DDR2: variants seen among roughly 807,000 people sequenced by gnomAD.
The protein encoded by DDR2 is discoidin domain receptor tyrosine kinase 2.
DDR2 carries 27 observed loss-of-function variants against 94.9 expected under a neutral mutation model. That is an observed-to-expected ratio of 0.28 (90% CI 0.21 to 0.39). DDR2 has a LOEUF of 0.39. Among genes scored for constraint, DDR2 ranks in the 10% least tolerant of loss-of-function variants. DDR2 has a pLI of 1.00. For synonymous variants in DDR2, 382 were observed against 377.2 expected, an observed-to-expected ratio of 1.01 and a Z score of -0.15; for missense variants, 783 against 1,076.0, an observed-to-expected ratio of 0.73 and a Z score of 3.81.
chr1:162,652,571 C>T (rs558843099), intron 1 of DDR2, among the ~76,000 whole-genome samples: 10 of 152,280 alleles, frequency 6.6e-5, no homozygotes, highest in Non-Finnish European at 1.3e-4. Context: ...CCAGCACATA[C>T]GATCAGCCCC....
chr1:162,716,857 C>A (rs1661189762), intron 2 of DDR2, among the ~76,000 whole-genome samples: 3 of 152,100 alleles, frequency 2.0e-5, no homozygotes, highest in Admixed American at 2.0e-4. Context: ...AAAGTCTTGT[C>A]CATCCTTCAA....
At chr1:162,748,797 C>G (rs1042162905) in intron 3 of DDR2, among the ~76,000 whole-genome samples, 4 of 152,192 alleles carry the variant, frequency 2.6e-5, no homozygotes, top group African/African-American at 9.7e-5. Flanking sequence ...GAAACTATAA[C>G]AAACTCTGTC....
In DDR2 at chr1:162,759,840, T is replaced by G. The variant is rs578015216; in HGVS notation, c.716T>G (p.Leu239Arg). ...CAATTGACCGATGGTGTGTCTGGCC[T>G]GGACGATTTCACCCAGACCCATGAA... ...LGQLTDGVSG[L>R]DDFTQTHEYH... Residue 239 changes from leucine to arginine, a missense_variant, in exon 8 of 18, where the codon CTG (leucine) becomes CGG (arginine). By Grantham distance (102) the Leu-to-Arg change is moderately radical (BLOSUM62 -2). Around this residue, in one of 2 missense-constraint regions of DDR2, gnomAD observed 519 missense variants for 647.9 expected, o/e 0.80. Transcript: ENST00000367921. 6.2e-7 allele frequency: 1 copy of G among 1,614,154 alleles called. No individual in the cohort carries two copies. The highest frequency in any genetic ancestry group is 1.7e-4 in the Middle Eastern group (1 of 6,060).
rs73018596 is a variant in DDR2 at position 162,668,804 on chromosome 1, T to C, written c.-28+13430T>C. On this transcript the variant is annotated intron_variant, in intron 2 of 17. Transcript: ENST00000367921. ...TACCTATGAATATAACCTTAACTCT[T>C]TGGTTCCTTATTTGGAAATAGGGTC... 8.3e-3 allele frequency among the ~76,000 whole-genome samples: 1,262 copies of C among 152,270 alleles called. 26 individuals are homozygous for C. Among genetic ancestry groups the C allele is most frequent in the African/African-American group, 0.028 (1,171 of 41,552 alleles).
At chr1:162,736,494 T>C (rs536135744) in intron 3 of DDR2, among the ~76,000 whole-genome samples, 1 of 152,358 alleles carries the variant, frequency 6.6e-6, no homozygotes, top group South Asian at 2.1e-4. Context: ...CCTTTGCAGT[T>C]AAAACTTACC....
intron 2 of DDR2, among the ~76,000 whole-genome samples, chr1:162,669,478 T>A (rs892772823): frequency 1.1e-4 from 17 of 152,194 alleles, no homozygotes; most frequent in Admixed American, 4.6e-4. Flanking sequence ...CACAGTCAAG[T>A]CCAAAAATTT....
At chr1:162,762,867 C>T (rs188565876) in intron 9 of DDR2, among the ~76,000 whole-genome samples, 226 of 152,254 alleles carry the variant, frequency 1.5e-3, no homozygotes, top group African/African-American at 5.1e-3. Flanking sequence ...GACAGAGTCT[C>T]GCTCTGTCAC....
chr1:162,753,263 C>A, intron 4 of DDR2, 66 bp downstream of exon 4: 1 of 1,459,186 alleles, frequency 6.9e-7, no homozygotes, highest in Non-Finnish European at 9.6e-7. Context: ...GCACAGATTC[C>A]TGACCCTAGG....
intron 2 of DDR2, among the ~76,000 whole-genome samples, chr1:162,667,329 G>A (rs1658631022): frequency 6.6e-6 from 1 of 152,164 alleles, no homozygotes; most frequent in South Asian, 2.1e-4. Flanking sequence ...TGTTACAGAT[G>A]AAGAAAAAGG....
intron 1 of DDR2, among the ~76,000 whole-genome samples, chr1:162,637,577 A>G (rs1656888630): frequency 6.6e-6 from 1 of 152,134 alleles, no homozygotes; most frequent in Admixed American, 6.5e-5. Flanking sequence ...ACAAAATAAT[A>G]AATAAATTTA....
chr1:162,728,178 C>CTCTTTATTTATATATAGATAGATATA (rs1661813081), intron 3 of DDR2, among the ~76,000 whole-genome samples: 1 of 133,604 alleles, frequency 7.5e-6, no homozygotes, highest in African/African-American at 2.8e-5. Context: ...AGATAGATAT[C>CTCTTTATTTATATATAGATAGATATA]TCTTTATATA....
chr1:162,704,512 C>G (rs1004381140), intron 2 of DDR2, among the ~76,000 whole-genome samples: 1 of 152,198 alleles, frequency 6.6e-6, no homozygotes, highest in African/African-American at 2.4e-5. Context: ...TTATAAACAA[C>G]AGAAATTTAT....
chr1:162,722,866 A>G (rs1288328249), intron 3 of DDR2, among the ~76,000 whole-genome samples: 1 of 152,156 alleles, frequency 6.6e-6, no homozygotes, highest in Non-Finnish European at 1.5e-5. Context: ...TATAGCCCAT[A>G]CTGGAAGATT....
chr1:162,720,107 T>G (rs1160995495), intron 3 of DDR2, among the ~76,000 whole-genome samples: 1 of 152,018 alleles, frequency 6.6e-6, no homozygotes, highest in East Asian at 1.9e-4. Flanking sequence ...AAAAATTAGA[T>G]GGTAAAGGTC....
chr1:162,726,841 A>G (rs771773170), intron 3 of DDR2, among the ~76,000 whole-genome samples: 4 of 152,062 alleles, frequency 2.6e-5, no homozygotes, highest in African/African-American at 9.7e-5. Context: ...CACTGGGGCC[A>G]TTAGGTCCGT....
chr1:162,661,945 G>A (rs1283179345), intron 2 of DDR2, among the ~76,000 whole-genome samples: 1 of 152,204 alleles, frequency 6.6e-6, no homozygotes, highest in Non-Finnish European at 1.5e-5. Context: ...AAAAGGGTTT[G>A]TGAAGAGTCC....
chr1:162,646,670 T>A (rs1657425032), intron 1 of DDR2, among the ~76,000 whole-genome samples: 1 of 152,248 alleles, frequency 6.6e-6, no homozygotes, highest in African/African-American at 2.4e-5. Context: ...ACCAGTGCTC[T>A]ACAATTATCC....
chr1:162,656,859 G>GTTTTTT (rs200020368), intron 2 of DDR2, among the ~76,000 whole-genome samples: 1 of 107,276 alleles, frequency 9.3e-6, no homozygotes, highest in Non-Finnish European at 1.8e-5. Flanking sequence ...TATTTTTTTT[G>GTTTTTT]TTAACAGGGT....
In DDR2 at chr1:162,673,606, TGTGAGAGA is replaced by T. The variant is rs1178183605; in HGVS notation, c.-28+18234_-28+18241del. Among the ~76,000 whole-genome samples, 358 of 101,060 alleles carry T rather than the reference TGTGAGAGA, an allele frequency of 3.5e-3. 1 individual carries two copies. Among genetic ancestry groups the T allele is most frequent in the African/African-American group, 0.016 (314 of 20,132 alleles). 66.3% of individuals were successfully genotyped at this position (101,060 alleles called of 152,430 possible). A position where few individuals can be genotyped will look rare whatever the true frequency, so the allele number is the denominator to read the frequency against. On this transcript the variant is annotated intron_variant, in intron 2 of 17. Coordinates refer to ENST00000367921, the MANE Select transcript of DDR2 (RefSeq NM_006182.4). ...GTGTGTGTGTGTGTATGTGTGTGTG[TGTGAGAGA>T]GAGAGAGAGAGAGAGAGAGAGAGAG... is the stretch of plus-strand genomic sequence containing the variant.
Sources: allele counts gnomAD v4.1 joint callset (sites outside exome capture counted in the v4.1 genomes callset), GRCh38; gene constraint gnomAD v4.1.1; regional missense constraint gnomAD v4.1.1; transcripts MANE v1.5; gene names NCBI Gene and HGNC (gene_info 2026-07-23, HGNC 2026-07-21).